Variants in EIF3B observed in about 807,000 individuals in gnomAD.
EIF3B encodes eukaryotic translation initiation factor 3 subunit 9.
EIF3B carries 10 observed loss-of-function variants against 104.6 expected under a neutral mutation model. That is an observed-to-expected ratio of 0.10 (90% CI 0.06 to 0.16). The LOEUF (loss-of-function observed/expected upper bound fraction) is 0.16. Ranked by LOEUF, EIF3B falls within the 10% of genes least tolerant of loss-of-function variation. EIF3B has a pLI of 1.00. For missense variants in EIF3B, 1,014 were observed against 1,087.9 expected (o/e 0.93, Z 0.96); for synonymous variants, 542 against 417.2 (o/e 1.30, Z -3.65).
At chr7:2,359,738 G>A (rs1296143605) in intron 1 of EIF3B, among the ~76,000 whole-genome samples, 1 of 152,216 alleles carries the variant, frequency 6.6e-6, no homozygotes, top group Admixed American at 6.5e-5. Context: ...GCCAGTCTTT[G>A]GGGCTGAGCC....
intron 15 of EIF3B, 101 bp downstream of exon 15, chr7:2,377,176 A>G: frequency 4.2e-6 from 6 of 1,439,414 alleles, no homozygotes; most frequent in Non-Finnish European, 5.5e-6. Flanking sequence ...TGACTGGGGG[A>G]TAAAAACGTG....
Position 2,374,531 on chromosome 7 carries a change from T to C in EIF3B, c.1814T>C (p.Met605Thr), listed in dbSNP as rs1387455397. ...CAGGCGCGCTCTTTCCTTTCAGAGA[T>C]GTTCGACAAGCAGCAGGCGAACACC... ...KNNGKIELIK[M>T]FDKQQANTIF... Residue 605 changes from methionine (M) to threonine (T), a missense_variant, in exon 13 of 19, where the codon ATG becomes ACG. Met to Thr is a moderately conservative substitution (Grantham distance 81). Coordinates refer to ENST00000360876, the MANE Select transcript of EIF3B (RefSeq NM_001037283.2). The C allele has an allele frequency of 1.2e-6, 2 of 1,613,784 alleles. No homozygotes were observed. Among genetic ancestry groups the C allele is most frequent in the East Asian group, 4.5e-5 (2 of 44,868 alleles).
intron 1 of EIF3B, among the ~76,000 whole-genome samples, chr7:2,355,888 C>T (rs146588199): frequency 2.6e-5 from 4 of 152,316 alleles, no homozygotes; most frequent in Admixed American, 6.5e-5. Context: ...TCCTCCTGCC[C>T]CTCAGAATTG....
intron 2 of EIF3B, 96 bp downstream of exon 2, chr7:2,360,998 G>A (rs1427780890): frequency 9.5e-7 from 1 of 1,048,380 alleles, no homozygotes; most frequent in African/African-American, 1.6e-5. Flanking sequence ...CTCCTGCCTT[G>A]CCCAGGCACG....
chr7:2,364,574 A>G (rs766493681), intron 6 of EIF3B, 45 bp downstream of exon 6: 1 of 1,554,736 alleles, frequency 6.4e-7, no homozygotes, highest in Non-Finnish European at 8.8e-7. Context: ...ATTTCACCCC[A>G]TGCCAGCCTT....
In EIF3B at chr7:2,354,917, G is replaced by T. The variant is rs1327057981; in HGVS notation, c.-5G>T. ...GGAGCCCTGCGAGTAGGCAGCGTTG[G>T]GCCCATGCAGGACGCGGAGAACGTG... On this transcript the variant is annotated 5_prime_UTR_variant, in exon 1 of 19. Coordinates refer to ENST00000360876, the MANE Select transcript of EIF3B (RefSeq NM_001037283.2). The T allele has an allele frequency of 1.6e-6, 2 of 1,224,942 alleles. No individual in the cohort carries two copies. Among genetic ancestry groups the T allele is most frequent in the African/African-American group, 1.6e-5 (1 of 62,232 alleles). The allele number at this position is 1,224,942 out of a possible 1,614,324, so 75.9% of individuals were successfully genotyped here. A position where few individuals can be genotyped will look rare whatever the true frequency, so the allele number is the denominator to read the frequency against.
rs377134404 is a variant in EIF3B at position 2,360,783 on chromosome 7, T to C, written c.573T>C (p.Asn191=). The change falls in exon 2 of 19, where the codon AAT becomes AAC. Residue 191 remains asparagine (N), a synonymous_variant. Coordinates refer to ENST00000360876, the MANE Select transcript of EIF3B (RefSeq NM_001037283.2). ...TCGATTCGGTGATTGTAGTGGACAA[T>C]GTCCCTCAGGTGGGACCCGACCGAC... ...DGIDSVIVVD[N]VPQVGPDRLE... is the part of the protein sequence containing the mutation. The C allele has an allele frequency of 3.1e-6, 5 of 1,613,046 alleles. No individual in the cohort carries two copies. The African/African-American group carries it at 5.3e-5, about 17-fold the overall frequency.
Position 2,362,691 on chromosome 7 carries a change from G to T in EIF3B, c.739G>T (p.Val247Leu), listed in dbSNP as rs1482849508. 6.2e-7 allele frequency: 1 copy of T among 1,614,252 alleles called. No homozygotes were observed. Among genetic ancestry groups the T allele is most frequent in the Non-Finnish European group, 8.5e-7 (1 of 1,180,044 alleles). Residue 247 changes from valine (V) to leucine (L), a missense_variant, in exon 3 of 19, where the codon GTG becomes TTG. This residue lies in a region of EIF3B where 488 missense variants were observed against 404.3 expected (regional missense o/e 1.21). Transcript: ENST00000360876. Reference protein sequence around the residue: ...YASPAHAVDAVKNADGYKLDK... With the variant: ...YASPAHAVDALKNADGYKLDK... The stretch of plus-strand genomic sequence containing the variant: ...GTCCCCTGCCCACGCTGTGGATGCT[G>T]TGAAGAACGCCGACGGCTACAAGCT...
chr7:2,380,414 G>T lies in EIF3B; in HGVS notation c.*225G>T, dbSNP rs1416515191. ...TTGCGACACATTTTTGTGCCTTTCAGCCCCTGGTGTCTGCAGTGGGGGATT... is the reference window on the plus strand; with the variant it reads ...TTGCGACACATTTTTGTGCCTTTCATCCCCTGGTGTCTGCAGTGGGGGATT... On this transcript the variant is annotated 3_prime_UTR_variant, in exon 19 of 19. Transcript: ENST00000360876. 1.9e-6 allele frequency: 1 copy of T among 518,752 alleles called. No homozygotes were observed. The highest frequency in any genetic ancestry group is 5.5e-5 in the East Asian group (1 of 18,336). 32.1% of individuals were successfully genotyped at this position (518,752 alleles called of 1,614,324 possible).
chr7:2,361,373 T>C (rs1349506355), intron 2 of EIF3B, among the ~76,000 whole-genome samples: 1 of 152,226 alleles, frequency 6.6e-6, no homozygotes, highest in African/African-American at 2.4e-5. Context: ...GATGGCCTCT[T>C]GACCCTCAGT....
intron 10 of EIF3B, among the ~76,000 whole-genome samples, chr7:2,370,367 C>T (rs988659506): frequency 1.3e-5 from 2 of 151,906 alleles, no homozygotes; most frequent in Admixed American, 6.5e-5. Flanking sequence ...GTCCCAGCTA[C>T]TCGGGAGGCT....
upstream of EIF3B, chr7:2,354,803 G>A: frequency 2.1e-6 from 2 of 955,520 alleles, no homozygotes; most frequent in Non-Finnish European, 2.5e-6. Context: ...CGCGGCCTTG[G>A]TGCGGCCTCC....
At position 2,379,162 on chromosome 7, in the gene EIF3B, T is replaced by G; in HGVS notation, c.2261T>G (p.Met754Arg). The G allele has an allele frequency of 6.2e-7, 1 of 1,613,946 alleles. No individual in the cohort carries two copies. Among genetic ancestry groups the G allele is most frequent in the Non-Finnish European group, 8.5e-7 (1 of 1,179,952 alleles). ...KELVERRRTM[M>R]EDFRKYRKMA... ...TTGGTGGAGAGAAGGCGCACCATGA[T>G]GGAAGATTTCCGGAAGTACCGGAAA... is the stretch of plus-strand genomic sequence containing the variant. Residue 754 changes from methionine to arginine, a missense_variant, in exon 17 of 19, where the codon ATG (methionine) becomes AGG (arginine). Met to Arg is a moderately conservative substitution (Grantham distance 91, BLOSUM62 -1). Around this residue, in one of 4 missense-constraint regions of EIF3B, gnomAD observed 266 missense variants for 324.0 expected, o/e 0.82. Coordinates refer to ENST00000360876, the MANE Select transcript of EIF3B (RefSeq NM_001037283.2).
intron 4 of EIF3B, among the ~76,000 whole-genome samples, 159 bp from the exon 5 acceptor site, chr7:2,363,473 A>G (rs1254982012): frequency 1.3e-5 from 2 of 152,122 alleles, no homozygotes; most frequent in African/African-American, 4.8e-5. Flanking sequence ...TCTGTCTCAA[A>G]AAAAAAAGAA....
At chr7:2,378,417 T>A (rs148089116) in intron 15 of EIF3B, 3,159 of 252,362 alleles carry the variant, frequency 0.013, 54 homozygotes, top group African/African-American at 0.052. Context: ...CTGGGTGTCA[T>A]GGAGGAAGGA....
intron 15 of EIF3B, chr7:2,378,283 C>CTGGGTG: frequency 4.5e-6 from 1 of 221,942 alleles, no homozygotes; most frequent in Non-Finnish European, 8.9e-6. Flanking sequence ...GTGAATGACC[C>CTGGGTG]TCGGTGTCAT....
At chr7:2,354,719 G>T (rs990510825), upstream of EIF3B, 5 of 232,352 alleles carry the variant, frequency 2.2e-5, no homozygotes, top group Non-Finnish European at 3.8e-5. Flanking sequence ...GATGATTTTC[G>T]GGCGCGGTCT....
At chr7:2,379,044 C>A in intron 16 of EIF3B, 90 bp from the exon 17 acceptor site, 3 of 1,125,256 alleles carry the variant, frequency 2.7e-6, no homozygotes, top group South Asian at 2.8e-5. Flanking sequence ...GTATGCTGTC[C>A]TTCTGGCACC....
chr7:2,371,064 A>AAAAT lies in EIF3B; in HGVS notation c.1615-696_1615-693dup, dbSNP rs1009072354. Among the ~76,000 whole-genome samples, 6 of 152,312 alleles carry AAAAT rather than the reference A, an allele frequency of 3.9e-5. No individual in the cohort carries two copies. In the South Asian group the frequency reaches 6.2e-4, roughly 16 times the overall value. ...GGCAACAGAGTGAGACTCCGTCTCA[A>AAAAT]AAATAAATAAATAAATAAATGTTTT... On this transcript the variant is annotated intron_variant, in intron 10 of 18. Coordinates refer to ENST00000360876, the MANE Select transcript of EIF3B (RefSeq NM_001037283.2).
Sources: gnomAD v4.1 joint callset for allele counts (sites outside exome capture counted in the v4.1 genomes callset) on GRCh38, gnomAD v4.1.1 for gene constraint, gnomAD v4.1.1 regional missense constraint, MANE v1.5 for transcripts, NCBI Gene and HGNC (gene_info 2026-07-23, HGNC 2026-07-21) for gene names.